ZBTB20: variants seen among roughly 807,000 people sequenced by gnomAD.
ZBTB20 encodes the protein zinc finger and BTB domain-containing protein 20.
A neutral mutation model predicts 56.9 loss-of-function variants in ZBTB20; 9 were observed. That is an observed-to-expected ratio of 0.16 (90% CI 0.10 to 0.28). The LOEUF is 0.28. Ranked by LOEUF, ZBTB20 falls within the 10% of genes least tolerant of loss-of-function variation. The probability of loss-of-function intolerance (pLI) is 1.00; values close to 1 mark genes in which losing one functional copy is unlikely to be tolerated. For synonymous variants in ZBTB20, 417 were observed against 420.7 expected (o/e 0.99, Z 0.11); for missense variants, 655 against 1,003.0 (o/e 0.65, Z 4.69).
intron 5 of ZBTB20, among the ~76,000 whole-genome samples, chr3:114,780,978 A>G (rs1031228661): frequency 2.0e-5 from 3 of 152,218 alleles, no homozygotes; most frequent in African/African-American, 7.2e-5. Flanking sequence ...TGAAGGAAAC[A>G]TAACAACCAT....
rs1332198695 is a variant in ZBTB20, at chr3:114,333,364, G to T, written c.*5641C>A. 6.6e-6 allele frequency: 1 copy of T among 152,220 alleles called. No homozygotes were observed. Among genetic ancestry groups the T allele is most frequent in the African/African-American group, 2.4e-5 (1 of 41,464 alleles). 9.4% of individuals were successfully genotyped at this position (152,220 alleles called of 1,614,324 possible). On this transcript the variant is annotated 3_prime_UTR_variant, in exon 12 of 12. Coordinates refer to ENST00000675478, the MANE Select transcript of ZBTB20 (RefSeq NM_001348800.3). ...TATGTAGCCTGAGCACCAGGGTAGA[G>T]ATTGCTTTTGAAAGTTTGCCCCATG...
intron 6 of ZBTB20, among the ~76,000 whole-genome samples, chr3:114,562,732 C>A (rs537289952): frequency 1.3e-5 from 2 of 151,970 alleles, no homozygotes; most frequent in African/African-American, 4.8e-5. Context: ...AGGTCATTGC[C>A]GGGTTATTAA....
chr3:115,026,496 G>A (rs1193896794), intron 2 of ZBTB20, among the ~76,000 whole-genome samples: 1 of 150,764 alleles, frequency 6.6e-6, no homozygotes, highest in African/African-American at 2.4e-5. Context: ...ACAATCAGAC[G>A]GACTCAAAGC....
intron 5 of ZBTB20, among the ~76,000 whole-genome samples, chr3:114,711,997 G>A (rs1041187302): frequency 5.3e-5 from 8 of 152,132 alleles, no homozygotes; most frequent in Non-Finnish European, 7.4e-5. Flanking sequence ...CAAGTTCTTA[G>A]TACAGTGCTG....
At chr3:114,975,390 A>G (rs1454205540) in intron 2 of ZBTB20, among the ~76,000 whole-genome samples, 1 of 152,166 alleles carries the variant, frequency 6.6e-6, no homozygotes, top group Non-Finnish European at 1.5e-5. Flanking sequence ...ACCTAAACAT[A>G]TGCTTGATTA....
intron 5 of ZBTB20, among the ~76,000 whole-genome samples, chr3:114,697,135 A>C (rs2063088320): frequency 1.3e-5 from 2 of 151,812 alleles, no homozygotes. Context: ...ATAGCTCCCA[A>C]AGTAAAAAGC....
Position 114,336,277 on chromosome 3 carries a change from A to C in ZBTB20, c.*2728T>G, listed in dbSNP as rs2079450009. On this transcript the variant is annotated 3_prime_UTR_variant, in exon 12 of 12. Transcript: ENST00000675478. ...CACTTGTTTTCCAAAATATCAAAAC[A>C]ATTCCATGACATAGTTAATTAATGC... 4 of 152,208 alleles carry C rather than the reference A, an allele frequency of 2.6e-5. No individual in the cohort carries two copies. The South Asian group carries it at 8.3e-4, about 31-fold the overall frequency. 9.4% of individuals were successfully genotyped at this position (152,208 alleles called of 1,614,324 possible).
intron 6 of ZBTB20, among the ~76,000 whole-genome samples, chr3:114,624,597 T>A (rs1263022442): frequency 2.0e-5 from 3 of 152,190 alleles, no homozygotes; most frequent in Admixed American, 6.5e-5. Flanking sequence ...ACTAAGCAAT[T>A]TCAACAGTGT....
At chr3:114,434,599 G>C (rs2090385794) in intron 7 of ZBTB20, among the ~76,000 whole-genome samples, 1 of 97,310 alleles carries the variant, frequency 1.0e-5, no homozygotes, top group Non-Finnish European at 2.1e-5. Flanking sequence ...AGAGAGGATA[G>C]CCTTACTGAT....
chr3:114,640,174 TG>T (rs1259402226), intron 6 of ZBTB20, among the ~76,000 whole-genome samples: 3 of 152,000 alleles, frequency 2.0e-5, no homozygotes, highest in Non-Finnish European at 4.4e-5. Context: ...TCAGGTTTAC[TG>T]GGGGATATTG....
chr3:114,739,792 C>G (rs1417521510), intron 5 of ZBTB20, among the ~76,000 whole-genome samples: 1 of 152,182 alleles, frequency 6.6e-6, no homozygotes, highest in African/African-American at 2.4e-5. Flanking sequence ...GGCTGAACTA[C>G]AGAGCCTAGG....
chr3:115,043,577 GAAATAAAATAAAATAAAATAAAATA>G lies in ZBTB20; in HGVS notation c.-507+27617_-507+27641del, dbSNP rs143409903. The stretch of plus-strand genomic sequence containing the variant: ...CTCAGCAAGACTCTGGTCTCAAAAA[GAAATAAAATAAAATAAAATAAAATA>G]AAATAAAATAAAATAAAATAAAATA... On this transcript the variant is annotated intron_variant, in intron 2 of 11. Coordinates refer to ENST00000675478, the MANE Select transcript of ZBTB20 (RefSeq NM_001348800.3). 4.7e-3 allele frequency among the ~76,000 whole-genome samples: 636 copies of G among 135,590 alleles called. 4 individuals carry two copies. The highest frequency in any genetic ancestry group is 6.5e-3 in the Admixed American group (87 of 13,404). The allele number at this position is 135,590 out of a possible 152,430, so 89.0% of individuals were successfully genotyped here.
At chr3:114,680,511 C>G (rs1050279103) in intron 6 of ZBTB20, among the ~76,000 whole-genome samples, 2 of 152,210 alleles carry the variant, frequency 1.3e-5, no homozygotes, top group African/African-American at 2.4e-5. Context: ...CATTGATATA[C>G]TTGGCCAAGT....
At chr3:114,601,596 G>C (rs1217140040) in intron 6 of ZBTB20, among the ~76,000 whole-genome samples, 1 of 151,984 alleles carries the variant, frequency 6.6e-6, no homozygotes, top group Non-Finnish European at 1.5e-5. Context: ...TTAATAGATA[G>C]CTAAATATAT....
chr3:114,654,983 C>T (rs903193546), intron 6 of ZBTB20, among the ~76,000 whole-genome samples: 1 of 152,030 alleles, frequency 6.6e-6, no homozygotes, highest in African/African-American at 2.4e-5. Context: ...TTATTGTTTG[C>T]ATTGTATATA....
Position 114,362,178 on chromosome 3 carries a change from G to A in ZBTB20, c.200-10300C>T, listed in dbSNP as rs542062094. ...CTGAATGTTGAGGAGTGTTGGGGAA[G>A]TTCACCTGAACTTCCTATACATGTA... is the stretch of plus-strand genomic sequence containing the variant. On this transcript the variant is annotated intron_variant, in intron 10 of 11. Transcript: ENST00000675478. Among the ~76,000 whole-genome samples, 9 of 152,234 alleles carry A rather than the reference G, an allele frequency of 5.9e-5. 1 individual carries two copies. The highest frequency in any genetic ancestry group is 1.3e-4 in the Non-Finnish European group (9 of 68,006).
chr3:114,483,376 C>T (rs1017841145), intron 7 of ZBTB20, among the ~76,000 whole-genome samples: 21 of 151,766 alleles, frequency 1.4e-4, no homozygotes, highest in African/African-American at 5.1e-4. Flanking sequence ...AGCATGCGAA[C>T]TTATAAGGAG....
At position 114,529,699 on chromosome 3, in the gene ZBTB20, T is replaced by A. The variant is rs530133622; in HGVS notation, c.-294-29308A>T. On this transcript the variant is annotated intron_variant, in intron 6 of 11. Coordinates refer to ENST00000675478, the MANE Select transcript of ZBTB20 (RefSeq NM_001348800.3). The stretch of plus-strand genomic sequence containing the variant: ...TAGCTTTGTGTTTTATCCTATAATA[T>A]TTAGGTAGAAGGTAGGGATGATGGG... Among the ~76,000 whole-genome samples the A allele has an allele frequency of 3.9e-5, 6 of 152,350 alleles. No individual in the cohort carries two copies. In the East Asian group the frequency reaches 9.6e-4, roughly 24 times the overall value.
intron 6 of ZBTB20, among the ~76,000 whole-genome samples, chr3:114,524,948 A>T (rs529017803): frequency 7.9e-5 from 12 of 152,140 alleles, no homozygotes; most frequent in Non-Finnish European, 1.5e-4. Context: ...TCCTGACCTC[A>T]AACAATCCAC....
Sources: allele counts gnomAD v4.1 joint callset (sites outside exome capture counted in the v4.1 genomes callset), GRCh38; gene constraint gnomAD v4.1.1; transcripts MANE v1.5; gene names NCBI Gene and HGNC (gene_info 2026-07-23, HGNC 2026-07-21).